KIF13A: variants seen among roughly 807,000 people sequenced by gnomAD.
KIF13A encodes kinesin-like protein KIF13A.
Under a neutral mutation model 212.2 loss-of-function variants are expected in KIF13A, and 79 were observed. That is an observed-to-expected ratio of 0.37 (90% CI 0.31 to 0.45). The LOEUF (loss-of-function observed/expected upper bound fraction) is 0.45, where lower values mean the gene tolerates loss of function less well. KIF13A is among the 20% of genes least tolerant of loss of function. The probability of loss-of-function intolerance (pLI) is 1.00; values close to 1 mark genes in which losing one functional copy is unlikely to be tolerated. For missense variants in KIF13A, 1,901 were observed against 2,209.0 expected (o/e 0.86, Z 2.79); for synonymous variants, 789 against 808.6 (o/e 0.98, Z 0.41).
chr6:17,964,590 G>C (rs967321517), intron 2 of KIF13A, among the ~76,000 whole-genome samples: 1 of 152,182 alleles, frequency 6.6e-6, no homozygotes, highest in Admixed American at 6.5e-5. Context: ...CGGTGAGGAA[G>C]AAAGTGTAGG....
rs768936416 is a variant in KIF13A, at chr6:17,831,171, T to G, written c.1331A>C (p.Asp444Ala). 4.3e-6 allele frequency: 7 copies of G among 1,613,714 alleles called. No individual in the cohort carries two copies. The highest frequency in any genetic ancestry group is 5.9e-6 in the Non-Finnish European group (7 of 1,179,658). Reference protein sequence around the residue: ...SLEMSGIKVGDDKCYLVNLNA... With the variant: ...SLEMSGIKVGADKCYLVNLNA... ...CAGATTGACTAAGTAGCATTTGTCA[T>G]CCCCCACCTTGATACCGGACATCTC... The change falls in exon 13 of 39, where the codon GAT (aspartate) becomes GCT (alanine). Residue 444 changes from aspartate to alanine, a missense_variant. This residue lies in a region of KIF13A where 506 missense variants were observed against 637.4 expected (regional missense o/e 0.79). Transcript: ENST00000259711.
intron 2 of KIF13A, among the ~76,000 whole-genome samples, chr6:17,964,186 C>G (rs1446037244): frequency 6.6e-6 from 1 of 152,186 alleles, no homozygotes; most frequent in Non-Finnish European, 1.5e-5. Flanking sequence ...TAGCCAAGAA[C>G]TAATTATTCA....
chr6:17,935,970 T>C (rs912258719), intron 2 of KIF13A, among the ~76,000 whole-genome samples: 2 of 152,214 alleles, frequency 1.3e-5, no homozygotes, highest in African/African-American at 4.8e-5. Flanking sequence ...AGAGGTTTTT[T>C]TTCTTAACGA....
rs9477545 is a variant in KIF13A at position 17,865,335 on chromosome 6, A to T, written c.220+8042T>A. ...GAGTAGAGAGAGAGAGGAAAAAAAA[A>T]AAATAAAGGCTGGGCTCACTATTTA... On this transcript the variant is annotated intron_variant, in intron 4 of 38. Coordinates refer to ENST00000259711, the MANE Select transcript of KIF13A (RefSeq NM_022113.6). Among the ~76,000 whole-genome samples the T allele has an allele frequency of 3.4e-4, 52 of 151,460 alleles. 1 individual carries two copies. Among genetic ancestry groups the T allele is most frequent in the Admixed American group, 7.2e-4 (11 of 15,222 alleles).
rs990126870 is a variant in KIF13A, at chr6:17,783,933, A to C, written c.3489-232T>G. Among the ~76,000 whole-genome samples the C allele has an allele frequency of 3.3e-5, 5 of 152,238 alleles. No homozygotes were observed. The highest frequency in any genetic ancestry group is 1.2e-4 in the African/African-American group (5 of 41,468). On this transcript the variant is annotated intron_variant, in intron 28 of 38. Coordinates refer to ENST00000259711, the MANE Select transcript of KIF13A (RefSeq NM_022113.6). This position sits in a 1 kb window ranked among gnomAD's most constrained non-coding sequence, Gnocchi z 4.3. Reference sequence around the variant, plus strand: ...AGTTACATGTAATTAATTGAAACAAAGATGATTTTAAGCCTTTCTAAAAAT... The same window carrying C: ...AGTTACATGTAATTAATTGAAACAACGATGATTTTAAGCCTTTCTAAAAAT...
chr6:17,946,254 G>A (rs1439235622), intron 2 of KIF13A, among the ~76,000 whole-genome samples: 2 of 152,084 alleles, frequency 1.3e-5, no homozygotes, highest in African/African-American at 4.8e-5. Context: ...ACCACATTTA[G>A]CTGATAAAGC....
chr6:17,970,201 C>T (rs1486337857), intron 2 of KIF13A, among the ~76,000 whole-genome samples: 1 of 152,112 alleles, frequency 6.6e-6, no homozygotes, highest in Non-Finnish European at 1.5e-5. Context: ...GGATTACAGG[C>T]GTGAGCCACC....
chr6:17,835,780 T>C (rs1054553782), intron 11 of KIF13A, among the ~76,000 whole-genome samples: 2 of 152,224 alleles, frequency 1.3e-5, no homozygotes, highest in African/African-American at 2.4e-5. Flanking sequence ...CTTCTATTGA[T>C]TACTTTTTGA....
chr6:17,838,714 G>A lies in KIF13A; in HGVS notation c.831-1131C>T, dbSNP rs966023335. 4.6e-5 allele frequency among the ~76,000 whole-genome samples: 7 copies of A among 152,200 alleles called. No homozygotes were observed. Among genetic ancestry groups the A allele is most frequent in the Non-Finnish European group, 1.0e-4 (7 of 68,036 alleles). On this transcript the variant is annotated intron_variant, in intron 9 of 38. Transcript: ENST00000259711. This position sits in a 1 kb window ranked among gnomAD's most constrained non-coding sequence, Gnocchi z 4.2. ...TATTGCATGTCCTTACTCATAAGTG[G>A]AAGCTAAATAACGTGTACTCATGGA...
chr6:17,762,557 A>G (rs923227309), downstream of KIF13A, among the ~76,000 whole-genome samples: 6 of 152,232 alleles, frequency 3.9e-5, no homozygotes, highest in East Asian at 1.2e-3. Context: ...CCTTGCCCCT[A>G]GAGTTTGTAG....
chr6:17,984,584 TG>T lies in KIF13A; in HGVS notation c.146+2469del, dbSNP rs1168938178. 4.1e-6 allele frequency: 4 copies of T among 980,504 alleles called. No homozygotes were observed. Among genetic ancestry groups the T allele is most frequent in the Non-Finnish European group, 4.8e-6 (4 of 825,824 alleles). 60.7% of individuals were successfully genotyped at this position (980,504 alleles called of 1,614,324 possible). On this transcript the variant is annotated intron_variant, in intron 2 of 38. Coordinates refer to ENST00000259711, the MANE Select transcript of KIF13A (RefSeq NM_022113.6). This position sits in a 1 kb window ranked among gnomAD's most constrained non-coding sequence, Gnocchi z 5.0. ...GGAAACAATGAAAGCTGACCCCATC[TG>T]TTTTTTTTTTTTTTCCCTGGACGTC...
At position 17,951,491 on chromosome 6, in the gene KIF13A, C is replaced by T. The variant is rs1245988159; in HGVS notation, c.146+35563G>A. 2 of 453,448 alleles carry T rather than the reference C, an allele frequency of 4.4e-6. No individual in the cohort carries two copies. Among genetic ancestry groups the T allele is most frequent in the African/African-American group, 4.1e-5 (2 of 49,286 alleles). 28.1% of individuals were successfully genotyped at this position (453,448 alleles called of 1,614,324 possible). On this transcript the variant is annotated intron_variant, in intron 2 of 38. Coordinates refer to ENST00000259711, the MANE Select transcript of KIF13A (RefSeq NM_022113.6). The surrounding 1 kb of genome is among the most constrained non-coding windows in gnomAD (Gnocchi z 4.9). ...ATAATTTATATACCATACAATTTAC[C>T]CACTAAAAGTGTCCAATTCAGTGAT...
At chr6:17,760,603 A>G (rs1758541600), downstream of KIF13A, 1 of 578,298 alleles carries the variant, frequency 1.7e-6, no homozygotes, top group East Asian at 2.8e-5. Flanking sequence ...CACTTAGTTA[A>G]TCCAGGATTT....
chr6:17,967,625 C>T lies in KIF13A; in HGVS notation c.146+19429G>A, dbSNP rs1779441330. ...TAGTCATGATGCCCCCACACACAGACTGCTATCAGCAACAACTTTGTATAA... is the reference window on the plus strand; with the variant it reads ...TAGTCATGATGCCCCCACACACAGATTGCTATCAGCAACAACTTTGTATAA... On this transcript the variant is annotated intron_variant, in intron 2 of 38. Coordinates refer to ENST00000259711, the MANE Select transcript of KIF13A (RefSeq NM_022113.6). The surrounding 1 kb of genome is among the most constrained non-coding windows in gnomAD (Gnocchi z 4.1). Among the ~76,000 whole-genome samples the T allele has an allele frequency of 6.6e-6, 1 of 152,194 alleles. No individual in the cohort carries two copies. The highest frequency in any genetic ancestry group is 2.4e-5 in the African/African-American group (1 of 41,462).
chr6:17,790,502 T>C (rs1361895342), intron 25 of KIF13A, among the ~76,000 whole-genome samples: 4 of 152,194 alleles, frequency 2.6e-5, no homozygotes, highest in East Asian at 3.8e-4. Context: ...ACAGCTGATA[T>C]GTATTTTGGG....
intron 4 of KIF13A, among the ~76,000 whole-genome samples, chr6:17,860,176 T>C (rs594115): frequency 0.82 from 124,207 of 152,020 alleles, 51,159 homozygotes; most frequent in African/African-American, 0.91. Flanking sequence ...CAGAACTCAT[T>C]ACACTGCACA....
chr6:17,857,816 C>T (rs1272456205), intron 4 of KIF13A, among the ~76,000 whole-genome samples: 1 of 152,036 alleles, frequency 6.6e-6, no homozygotes, highest in Non-Finnish European at 1.5e-5. Flanking sequence ...GAAACACATT[C>T]CCAAAAAGGA....
intron 3 of KIF13A, among the ~76,000 whole-genome samples, chr6:17,876,724 C>T (rs994013288): frequency 2.6e-5 from 4 of 152,178 alleles, no homozygotes; most frequent in African/African-American, 9.7e-5. Context: ...ACTGCAGCCT[C>T]AATCAGCTCA....
intron 11 of KIF13A, among the ~76,000 whole-genome samples, chr6:17,835,220 AAAAAAAAAAAAAAAAAAAAG>A: frequency 8.6e-6 from 1 of 115,790 alleles, no homozygotes; most frequent in Non-Finnish European, 1.7e-5. Flanking sequence ...AAAAAAAAAA[AAAAAAAAAAAAAAAAAAAAG>A]AAACAGAAAA....
Sources: gnomAD v4.1 joint callset for allele counts (sites outside exome capture counted in the v4.1 genomes callset) on GRCh38, gnomAD v4.1.1 for gene constraint, gnomAD v4.1.1 regional missense constraint, Gnocchi (gnomAD v3.1) non-coding constraint, MANE v1.5 for transcripts, NCBI Gene and HGNC (gene_info 2026-07-23, HGNC 2026-07-21) for gene names.